KIAA0586: variants seen among roughly 807,000 people sequenced by gnomAD.
KIAA0586 encodes KIAA0586.
Under a neutral mutation model 169.8 loss-of-function variants are expected in KIAA0586, and 144 were observed. The ratio of observed to expected loss-of-function variants is 0.85; its 90% CI spans 0.74 to 0.97. The LOEUF (loss-of-function observed/expected upper bound fraction) is 0.97. Among genes scored for constraint, KIAA0586 ranks in the 50% least tolerant of loss-of-function variants. KIAA0586 has a pLI of 0.00. For missense variants in KIAA0586, 1,854 were observed against 1,823.0 expected, an observed-to-expected ratio of 1.02 and a Z score of -0.31; for synonymous variants, 625 against 612.4, an observed-to-expected ratio of 1.02 and a Z score of -0.30.
chr14:58,503,024 C>G (rs2043685617), intron 27 of KIAA0586, among the ~76,000 whole-genome samples: 1 of 152,120 alleles, frequency 6.6e-6, no homozygotes, highest in Admixed American at 6.5e-5. Flanking sequence ...TCCTGAGGCT[C>G]TCAGGTTGGG....
At chr14:58,456,512 A>G (rs2039863451) in intron 9 of KIAA0586, among the ~76,000 whole-genome samples, 190 bp from the exon 10 acceptor site, 1 of 151,880 alleles carries the variant, frequency 6.6e-6, no homozygotes, top group Non-Finnish European at 1.5e-5. Context: ...GTCTCTTGTG[A>G]TTTTCTGTGT....
chr14:58,457,695 C>T, intron 10 of KIAA0586, 64 bp from the exon 11 acceptor site: 1 of 1,003,716 alleles, frequency 1.0e-6, no homozygotes, highest in Non-Finnish European at 1.5e-6. Context: ...ATAGTGATAG[C>T]TGTTATTTTG....
At chr14:58,511,161 A>G (rs1401294104) in intron 28 of KIAA0586, among the ~76,000 whole-genome samples, 3 of 152,228 alleles carry the variant, frequency 2.0e-5, no homozygotes. Context: ...CTTTAACAAT[A>G]AAAGAAAGAT....
chr14:58,490,292 T>G (rs2042753759), intron 25 of KIAA0586, 52 bp downstream of exon 25: 3 of 1,044,202 alleles, frequency 2.9e-6, no homozygotes, highest in Non-Finnish European at 4.2e-6. Flanking sequence ...AATATCTGTA[T>G]GAATTGGTTG....
intron 29 of KIAA0586, among the ~76,000 whole-genome samples, chr14:58,530,026 A>C (rs1271720749): frequency 2.0e-5 from 3 of 152,226 alleles, no homozygotes; most frequent in Non-Finnish European, 4.4e-5. Flanking sequence ...GTACAAAATC[A>C]ATGTGCAAAA....
intron 20 of KIAA0586, among the ~76,000 whole-genome samples, chr14:58,481,576 TTC>T (rs1271206008): frequency 2.6e-5 from 4 of 152,202 alleles, no homozygotes; most frequent in Non-Finnish European, 5.9e-5. Flanking sequence ...GTGAGTTGTA[TTC>T]AGATGAGGGC....
intron 30 of KIAA0586, among the ~76,000 whole-genome samples, chr14:58,547,024 C>T (rs562436225): frequency 6.6e-6 from 1 of 152,186 alleles, no homozygotes; most frequent in South Asian, 2.1e-4. Flanking sequence ...CCCTTAGGCA[C>T]TCAGTAAATC....
intron 30 of KIAA0586, among the ~76,000 whole-genome samples, chr14:58,542,592 A>C (rs1233034097): frequency 6.6e-6 from 1 of 152,202 alleles, no homozygotes; most frequent in Non-Finnish European, 1.5e-5. Context: ...AAACTAGCAT[A>C]ACTATTTAGA....
At chr14:58,488,257 G>T in intron 23 of KIAA0586, 148 bp downstream of exon 23, 1 of 706,428 alleles carries the variant, frequency 1.4e-6, no homozygotes, top group South Asian at 2.2e-5. Flanking sequence ...TAAGTGTTGA[G>T]TTTTGAAAAA....
chr14:58,495,162 T>C (rs145813520), intron 26 of KIAA0586, among the ~76,000 whole-genome samples: 82 of 152,310 alleles, frequency 5.4e-4, no homozygotes, highest in Non-Finnish European at 1.1e-3. Context: ...TACTGTGCTG[T>C]CCTGGCTAGA....
Position 58,450,634 on chromosome 14 carries a change from GAC to G in KIAA0586, c.1020_1021del (p.Pro341SerfsTer14). On this transcript the variant is annotated frameshift_variant, in exon 8 of 31. Coordinates refer to ENST00000652326, the MANE Select transcript of KIAA0586 (RefSeq NM_001329943.3). LOFTEE classifies it high-confidence loss of function. ...SFDKQKSPLE[T>X]PAPRRFAPVP... Reference sequence around the variant, plus strand: ...TTGATAAACAGAAATCTCCTTTGGAGACACCAGCACCTCGCAGATTTGCTCCT... The same window carrying G: ...TTGATAAACAGAAATCTCCTTTGGAGACCAGCACCTCGCAGATTTGCTCCT... The G allele has an allele frequency of 6.2e-7, 1 of 1,612,174 alleles. No homozygotes were observed. The highest frequency in any genetic ancestry group is 8.5e-7 in the Non-Finnish European group (1 of 1,178,434).
intron 19 of KIAA0586, among the ~76,000 whole-genome samples, chr14:58,475,041 A>G (rs1304895080): frequency 6.6e-6 from 1 of 152,214 alleles, no homozygotes; most frequent in Non-Finnish European, 1.5e-5. Context: ...AGGAAGCCTT[A>G]AAAATGTACA....
chr14:58,546,807 T>C (rs534787768), intron 30 of KIAA0586, among the ~76,000 whole-genome samples: 2 of 152,348 alleles, frequency 1.3e-5, no homozygotes, highest in East Asian at 3.9e-4. Flanking sequence ...ATTATAATAT[T>C]GCTCTCAATC....
intron 25 of KIAA0586, 116 bp from the exon 26 acceptor site, chr14:58,492,028 C>CA: frequency 1.3e-6 from 1 of 770,016 alleles, no homozygotes; most frequent in Non-Finnish European, 1.9e-6. Flanking sequence ...ATCTCCTTTC[C>CA]AAAAATGCTA....
intron 15 of KIAA0586, 110 bp from the exon 16 acceptor site, chr14:58,467,625 A>G: frequency 3.9e-6 from 3 of 769,142 alleles, no homozygotes; most frequent in Non-Finnish European, 6.3e-6. Context: ...TGATTGTCAG[A>G]TAGGGCTTTT....
At chr14:58,461,996 T>A (rs1595198628) in intron 14 of KIAA0586, among the ~76,000 whole-genome samples, 2 of 152,362 alleles carry the variant, frequency 1.3e-5, no homozygotes, top group East Asian at 3.9e-4. Flanking sequence ...TAGCAATCAG[T>A]AAGCTACAGC....
the KIAA0586 span, among the ~76,000 whole-genome samples, chr14:58,557,392 G>C: frequency 6.6e-6 from 1 of 152,192 alleles, no homozygotes; most frequent in South Asian, 2.1e-4. Flanking sequence ...TTCATCATCA[G>C]TGAGGCAGCT....
chr14:58,460,848 G>C (rs1279501785), intron 13 of KIAA0586, 138 bp from the exon 14 acceptor site: 1 of 483,246 alleles, frequency 2.1e-6, no homozygotes, highest in Non-Finnish European at 3.5e-6. Flanking sequence ...AGAATTTAAG[G>C]GCTGTTGAAA....
intron 19 of KIAA0586, 67 bp from the exon 20 acceptor site, chr14:58,477,056 C>A: frequency 1.2e-6 from 1 of 853,840 alleles, no homozygotes; most frequent in South Asian, 1.5e-5. Context: ...GGTGGTATGT[C>A]TAACATTTTT....
Sources: gnomAD v4.1 joint callset for allele counts (sites outside exome capture counted in the v4.1 genomes callset) on GRCh38, gnomAD v4.1.1 for gene constraint, MANE v1.5 for transcripts, NCBI Gene and HGNC (gene_info 2026-07-23, HGNC 2026-07-21) for gene names.